Variants in SNX4 observed in about 807,000 individuals in gnomAD.
The protein encoded by SNX4 is sorting nexin 4.
SNX4 carries 49 observed loss-of-function variants against 70.8 expected under a neutral mutation model. The ratio of observed to expected loss-of-function variants is 0.69; its 90% confidence interval spans 0.55 to 0.88. SNX4 has a LOEUF of 0.88. Ranked by LOEUF, SNX4 falls within the 40% of genes least tolerant of loss-of-function variation. The pLI is 0.00. For synonymous variants in SNX4, 206 were observed against 183.8 expected, an observed-to-expected ratio of 1.12 and a Z score of -0.98; for missense variants, 528 against 544.8, an observed-to-expected ratio of 0.97 and a Z score of 0.31.
intron 7 of SNX4, among the ~76,000 whole-genome samples, chr3:125,477,233 C>A (rs1184196498): frequency 6.6e-6 from 1 of 152,072 alleles, no homozygotes; most frequent in Non-Finnish European, 1.5e-5. Context: ...TGGAATTAAC[C>A]AAGGGAACGG....
intron 1 of SNX4, among the ~76,000 whole-genome samples, chr3:125,508,351 A>G (rs929957269): frequency 5.3e-5 from 8 of 152,112 alleles, no homozygotes; most frequent in African/African-American, 1.9e-4. Context: ...GCGGATCACG[A>G]GGTCAGGAGA....
intron 6 of SNX4, among the ~76,000 whole-genome samples, chr3:125,480,576 G>C (rs1310585972): frequency 1.3e-5 from 2 of 152,088 alleles, no homozygotes; most frequent in Non-Finnish European, 2.9e-5. Flanking sequence ...AAATCTGTTG[G>C]TATGAAAAAC....
chr3:125,486,106 T>C (rs1934521785), intron 6 of SNX4, among the ~76,000 whole-genome samples: 1 of 152,176 alleles, frequency 6.6e-6, no homozygotes. Flanking sequence ...CCCAAAATGC[T>C]GGGATTACAG....
At chr3:125,485,167 G>A (rs1934493801) in intron 6 of SNX4, among the ~76,000 whole-genome samples, 1 of 152,146 alleles carries the variant, frequency 6.6e-6, no homozygotes, top group South Asian at 2.1e-4. Context: ...GATCATTTGA[G>A]CCTGGGAGGT....
In SNX4 at chr3:125,507,717, T is replaced by C. The variant is rs72977778; in HGVS notation, c.142-2973A>G. Among the ~76,000 whole-genome samples the C allele has an allele frequency of 7.2e-3, 1,100 of 152,264 alleles. 7 individuals carry two copies. The highest frequency in any genetic ancestry group is 0.022 in the African/African-American group (894 of 41,560). On this transcript the variant is annotated intron_variant, in intron 1 of 13. Coordinates refer to ENST00000251775, the MANE Select transcript of SNX4 (RefSeq NM_003794.4). ...GAGGCCAGAAGACAGGGAGCTGATATCTTCAAAGTGCTAAAAAATAAAAAT... is the reference window on the plus strand; with the variant it reads ...GAGGCCAGAAGACAGGGAGCTGATACCTTCAAAGTGCTAAAAAATAAAAAT...
intron 1 of SNX4, 68 bp downstream of exon 1, chr3:125,519,964 G>A (rs1023472998): frequency 8.4e-5 from 76 of 902,748 alleles, no homozygotes; most frequent in Non-Finnish European, 1.1e-4. Context: ...GCCCAGCCCA[G>A]CCCAGCCCAG....
At chr3:125,471,312 C>T (rs1934164090) in intron 8 of SNX4, among the ~76,000 whole-genome samples, 1 of 97,604 alleles carries the variant, frequency 1.0e-5, no homozygotes, top group African/African-American at 4.6e-5. Context: ...CCATTGCACT[C>T]CAGTGTGGGC....
chr3:125,452,780 G>C (rs914309904), intron 12 of SNX4, among the ~76,000 whole-genome samples: 4 of 151,966 alleles, frequency 2.6e-5, no homozygotes, highest in African/African-American at 9.7e-5. Context: ...ACCGCGCTCG[G>C]CTAATTTTTT....
intron 10 of SNX4, among the ~76,000 whole-genome samples, chr3:125,458,256 T>A (rs1405626516): frequency 2.0e-5 from 3 of 148,164 alleles, no homozygotes; most frequent in Non-Finnish European, 4.4e-5. Flanking sequence ...AAATGCAACC[T>A]CTGCCTCCTG....
intron 10 of SNX4, among the ~76,000 whole-genome samples, chr3:125,459,674 G>A (rs1579975908): frequency 1.3e-5 from 2 of 152,134 alleles, no homozygotes; most frequent in East Asian, 3.9e-4. Context: ...CCTGGCCTCA[G>A]GTGATCCATC....
chr3:125,481,749 T>C (rs1414506570), intron 6 of SNX4, among the ~76,000 whole-genome samples: 1 of 152,204 alleles, frequency 6.6e-6, no homozygotes, highest in Non-Finnish European at 1.5e-5. Context: ...GAAATGTTTC[T>C]TAAAAACACT....
At chr3:125,466,897 A>G (rs993138880) in intron 9 of SNX4, among the ~76,000 whole-genome samples, 1 of 152,090 alleles carries the variant, frequency 6.6e-6, no homozygotes, top group African/African-American at 2.4e-5. Context: ...AGCCTGGCCA[A>G]TATGGCAAAT....
Position 125,490,549 on chromosome 3 carries a change from A to G in SNX4, c.598-1086T>C, listed in dbSNP as rs532774478. The stretch of plus-strand genomic sequence containing the variant: ...CAAAAAAAAAAAAAAAAAAAAAGAA[A>G]TACATGTACTAAGTAACACTCTACT... On this transcript the variant is annotated intron_variant, in intron 5 of 13. Coordinates refer to ENST00000251775, the MANE Select transcript of SNX4 (RefSeq NM_003794.4). 3.3e-5 allele frequency among the ~76,000 whole-genome samples: 5 copies of G among 151,512 alleles called. No individual in the cohort carries two copies. In the South Asian group the frequency reaches 1.0e-3, roughly 31 times the overall value.
At chr3:125,467,136 A>G (rs1286820208) in intron 9 of SNX4, among the ~76,000 whole-genome samples, 2 of 146,506 alleles carry the variant, frequency 1.4e-5, no homozygotes, top group Non-Finnish European at 3.0e-5. Context: ...CCTGTAATCC[A>G]AGCACTTCGG....
chr3:125,463,287 T>C (rs572247359), intron 9 of SNX4, among the ~76,000 whole-genome samples: 1 of 152,328 alleles, frequency 6.6e-6, no homozygotes, highest in South Asian at 2.1e-4. Flanking sequence ...AGAATCACTA[T>C]TAAGAGTAGG....
intron 5 of SNX4, among the ~76,000 whole-genome samples, chr3:125,489,892 G>A (rs7627692): frequency 0.17 from 25,273 of 152,154 alleles, 2,287 homozygotes; most frequent in African/African-American, 0.23. Flanking sequence ...TTGGAAGGCC[G>A]AGACAGGAGG....
intron 1 of SNX4, among the ~76,000 whole-genome samples, chr3:125,511,778 A>G (rs1935179182): frequency 6.6e-6 from 1 of 152,162 alleles, no homozygotes; most frequent in Admixed American, 6.6e-5. Flanking sequence ...TGTTTTATGA[A>G]GGAGAGATAA....
chr3:125,490,553 A>T (rs957291119), intron 5 of SNX4, among the ~76,000 whole-genome samples: 2 of 151,074 alleles, frequency 1.3e-5, no homozygotes, highest in Admixed American at 1.3e-4. Context: ...AAAGAAATAC[A>T]TGTACTAAGT....
intron 8 of SNX4, among the ~76,000 whole-genome samples, chr3:125,472,152 T>C (rs1934191615): frequency 6.6e-6 from 1 of 152,156 alleles, no homozygotes; most frequent in Non-Finnish European, 1.5e-5. Flanking sequence ...CCAATTGCCA[T>C]AATTTTACAA....
Sources: gnomAD v4.1 joint callset for allele counts (sites outside exome capture counted in the v4.1 genomes callset) on GRCh38, gnomAD v4.1.1 for gene constraint, MANE v1.5 for transcripts, NCBI Gene and HGNC (gene_info 2026-07-23, HGNC 2026-07-21) for gene names.